The following PRCP variants were observed in gnomAD, a reference collection of about 807,000 sequenced individuals.
The protein encoded by PRCP is prolylcarboxypeptidase.
In PRCP, 46 loss-of-function variants were observed where a neutral mutation model predicts 54.2. The ratio of observed to expected loss-of-function variants is 0.85; its 90% CI spans 0.67 to 1.09. The LOEUF (loss-of-function observed/expected upper bound fraction) is 1.09. Ranked by LOEUF, PRCP falls within the 50% of genes least tolerant of loss-of-function variation. The probability of loss-of-function intolerance (pLI) is 0.00; values close to 1 mark genes in which losing one functional copy is unlikely to be tolerated. For missense variants in PRCP, 613 were observed against 596.8 expected (o/e 1.03, Z -0.28); for synonymous variants, 240 against 212.2 (o/e 1.13, Z -1.14).
intron 1 of PRCP, among the ~76,000 whole-genome samples, chr11:82,889,339 G>A (rs1405314518): frequency 6.7e-6 from 1 of 150,342 alleles, no homozygotes; most frequent in Middle Eastern, 3.2e-3. Context: ...ACTCCAGCCT[G>A]GGTGACAGAG....
chr11:82,872,643 C>T (rs947897774), intron 1 of PRCP, among the ~76,000 whole-genome samples: 1 of 152,156 alleles, frequency 6.6e-6, no homozygotes, highest in African/African-American at 2.4e-5. Flanking sequence ...CAGACTCTTC[C>T]CCGGAGCCCG....
intron 6 of PRCP, among the ~76,000 whole-genome samples, chr11:82,844,763 G>GAAAGA (rs1246961346): frequency 4.5e-4 from 65 of 145,448 alleles, no homozygotes; most frequent in Admixed American, 1.2e-3. Context: ...AAGAAAGAAA[G>GAAAGA]AAAGAAAAGA....
At chr11:82,876,226 G>T (rs566467088) in intron 1 of PRCP, among the ~76,000 whole-genome samples, 1 of 152,276 alleles carries the variant, frequency 6.6e-6, no homozygotes, top group Admixed American at 6.5e-5. Flanking sequence ...TGCTGATTGT[G>T]CCACTTTCTA....
chr11:82,894,766 A>T (rs925321105), intron 1 of PRCP, among the ~76,000 whole-genome samples: 4 of 152,260 alleles, frequency 2.6e-5, no homozygotes, highest in Non-Finnish European at 5.9e-5. Flanking sequence ...CTAGTAAGAA[A>T]TTTAAAACTC....
chr11:82,890,986 T>C (rs1031318259), intron 1 of PRCP, among the ~76,000 whole-genome samples: 2 of 152,232 alleles, frequency 1.3e-5, no homozygotes, highest in Admixed American at 6.5e-5. Context: ...TCATCTTCAC[T>C]AACTCCTTTG....
chr11:82,858,131 CAA>C (rs1198292270), intron 2 of PRCP, among the ~76,000 whole-genome samples: 1 of 152,150 alleles, frequency 6.6e-6, no homozygotes, highest in Non-Finnish European at 1.5e-5. Context: ...TCTTATTTTT[CAA>C]AAGAGGTCAA....
At chr11:82,873,066 G>T (rs1156719654) in intron 1 of PRCP, among the ~76,000 whole-genome samples, 8 of 119,038 alleles carry the variant, frequency 6.7e-5, no homozygotes, top group Admixed American at 1.6e-4. Context: ...ATTCTGATCT[G>T]TTTTTTTTTT....
intron 1 of PRCP, among the ~76,000 whole-genome samples, chr11:82,865,558 A>G (rs1859311341): frequency 6.6e-6 from 1 of 152,226 alleles, no homozygotes; most frequent in Non-Finnish European, 1.5e-5. Context: ...TCAGGCACCC[A>G]GACATCTAAT....
intron 1 of PRCP, among the ~76,000 whole-genome samples, chr11:82,896,676 C>G (rs1398684772): frequency 3.4e-5 from 2 of 58,424 alleles, no homozygotes; most frequent in East Asian, 6.9e-4. Flanking sequence ...GAGACTCCAA[C>G]TCAAAAAAAA....
intron 1 of PRCP, among the ~76,000 whole-genome samples, chr11:82,871,766 T>C (rs1197092268): frequency 6.6e-6 from 1 of 152,234 alleles, no homozygotes; most frequent in Non-Finnish European, 1.5e-5. Flanking sequence ...CAGTTCTTAC[T>C]ATTTCCCATA....
In PRCP at chr11:82,824,891, A is replaced by T. The variant is rs766241151; in HGVS notation, c.*15T>A. The T allele has an allele frequency of 6.5e-5, 104 of 1,606,376 alleles. No homozygotes were observed. In the Middle Eastern group the frequency reaches 2.3e-3, roughly 36 times the overall value. The stretch of plus-strand genomic sequence containing the variant: ...GTGAACATAAAAGAAGAAATTGAAA[A>T]CAATCAAAAGTTTCTCAGTGCTGCT... On this transcript the variant is annotated 3_prime_UTR_variant, in exon 9 of 9. Coordinates refer to ENST00000313010, the MANE Select transcript of PRCP (RefSeq NM_005040.4).
At chr11:82,901,216 G>C (rs531824300), upstream of PRCP, among the ~76,000 whole-genome samples, 56 of 152,192 alleles carry the variant, frequency 3.7e-4, no homozygotes, top group African/African-American at 1.3e-3. Flanking sequence ...CATTACACAG[G>C]TCGCCCCGGG....
intron 2 of PRCP, among the ~76,000 whole-genome samples, chr11:82,856,536 G>C (rs1859085349): frequency 6.6e-6 from 1 of 152,092 alleles, no homozygotes; most frequent in African/African-American, 2.4e-5. Context: ...AATAGTGCAG[G>C]GAGTGTGGGT....
chr11:82,839,398 T>C lies in PRCP; in HGVS notation c.949A>G (p.Asn317Asp). ...KVVCQYLKNPNVSDSLLLQNI... is the reference protein window; with the variant it reads ...KVVCQYLKNPDVSDSLLLQNI... ...TGCAGCAGCAGTGAATCAGATACAT[T>C]GGGATTTTTCAAATACTGGCACACT... The change falls in exon 7 of 9, where the codon AAT (asparagine) becomes GAT (aspartate). Residue 317 changes from asparagine to aspartate, a missense_variant. Asn to Asp is a conservative substitution (Grantham distance 23). Transcript: ENST00000313010. 1 of 1,613,140 alleles carries C rather than the reference T, an allele frequency of 6.2e-7. No individual in the cohort carries two copies. The highest frequency in any genetic ancestry group is 1.1e-5 in the South Asian group (1 of 90,964).
upstream of PRCP, chr11:82,901,352 T>G: frequency 9.7e-6 from 2 of 205,628 alleles, no homozygotes; most frequent in East Asian, 1.3e-4. Context: ...ACCGCCCCCT[T>G]CCTCCCTCCG....
chr11:82,824,634 A>C lies in PRCP; in HGVS notation c.*272T>G. On this transcript the variant is annotated 3_prime_UTR_variant, in exon 9 of 9. Coordinates refer to ENST00000313010, the MANE Select transcript of PRCP (RefSeq NM_005040.4). ...ACTCTCCCTCTTATGAAAAGCAACC[A>C]GGAACTCTACTCCAGTTATGAGGGC... 1 of 417,576 alleles carries C rather than the reference A, an allele frequency of 2.4e-6. No individual in the cohort carries two copies. The highest frequency in any genetic ancestry group is 4.4e-6 in the Non-Finnish European group (1 of 228,708). The allele number at this position is 417,576 out of a possible 1,614,324, so 25.9% of individuals were successfully genotyped here.
chr11:82,860,073 C>T lies in PRCP; in HGVS notation c.213G>A (p.Arg71=). 1.3e-6 allele frequency: 2 copies of T among 1,570,604 alleles called. No homozygotes were observed. The highest frequency in any genetic ancestry group is 1.2e-5 in the South Asian group (1 of 84,270). Reference sequence around the variant, plus strand: ...TCCAGTATTTATCAGCTACTAGGTACCGCTGATTAAAAGTTTTCACAGTAT... The same window carrying T: ...TCCAGTATTTATCAGCTACTAGGTATCGCTGATTAAAAGTTTTCACAGTAT... ...GFNTVKTFNQ[R]YLVADKYWKK... is the part of the protein sequence containing the mutation. Residue 71 remains arginine (R), a synonymous_variant, in exon 2 of 9, where the codon CGG becomes CGA. Coordinates refer to ENST00000313010, the MANE Select transcript of PRCP (RefSeq NM_005040.4).
At position 82,824,930 on chromosome 11, in the gene PRCP, A is replaced by T; in HGVS notation, c.1467T>A (p.Tyr489Ter). 1 of 1,614,124 alleles carries T rather than the reference A, an allele frequency of 6.2e-7. No individual in the cohort carries two copies. The change falls in exon 9 of 9, where the codon TAT becomes TAA. Residue 489 changes from tyrosine to a stop codon, truncating the protein, a stop_gained. Transcript: ENST00000313010. LOFTEE classifies it low-confidence loss of function (END_TRUNC). ...CTCAGTGCTGCTTTCCCGCACTGTCATAGAAATCTCTGATCCAATTCTTCA... is the reference window on the plus strand; with the variant it reads ...CTCAGTGCTGCTTTCCCGCACTGTCTTAGAAATCTCTGATCCAATTCTTCA... ...RHMKNWIRDFYDSAGKQH is the reference protein window; with the variant it reads ...RHMKNWIRDF
intron 1 of PRCP, among the ~76,000 whole-genome samples, chr11:82,861,692 A>T (rs1169359789): frequency 3.3e-5 from 5 of 152,214 alleles, no homozygotes; most frequent in Admixed American, 6.5e-5. Flanking sequence ...AAGATATTTC[A>T]AAGGGACAAC....
Sources: gnomAD v4.1 joint callset for allele counts (sites outside exome capture counted in the v4.1 genomes callset) on GRCh38, gnomAD v4.1.1 for gene constraint, MANE v1.5 for transcripts, NCBI Gene and HGNC (gene_info 2026-07-23, HGNC 2026-07-21) for gene names.